CTIF: variants seen among roughly 807,000 people sequenced by gnomAD.
The protein encoded by CTIF is cap binding complex dependent translation initiation factor.
CTIF carries 21 observed loss-of-function variants against 66.0 expected under a neutral mutation model. The ratio of observed to expected loss-of-function variants is 0.32; its 90% CI spans 0.23 to 0.46. The LOEUF (loss-of-function observed/expected upper bound fraction) is 0.46, where lower values mean the gene tolerates loss of function less well. Ranked by LOEUF, CTIF falls within the 20% of genes least tolerant of loss-of-function variation. CTIF has a pLI of 1.00. For synonymous variants in CTIF, 345 were observed against 326.4 expected, an observed-to-expected ratio of 1.06 and a Z score of -0.62; for missense variants, 739 against 812.7, an observed-to-expected ratio of 0.91 and a Z score of 1.10.
intron 1 of CTIF, among the ~76,000 whole-genome samples, chr18:48,575,037 C>T (rs1028505434): frequency 6.6e-6 from 1 of 152,158 alleles, no homozygotes; most frequent in African/African-American, 2.4e-5. Flanking sequence ...AATTTTGCTC[C>T]TTGGAGCTCC....
chr18:48,728,673 A>C (rs1292115716), intron 7 of CTIF, among the ~76,000 whole-genome samples: 3 of 151,580 alleles, frequency 2.0e-5, no homozygotes, highest in Non-Finnish European at 4.4e-5. Context: ...ATTTCCTTGC[A>C]ACGTGGGCCT....
chr18:48,646,754 AAAG>A lies in CTIF; in HGVS notation c.252+10072_252+10074del, dbSNP rs1438286443. Among the ~76,000 whole-genome samples the A allele has an allele frequency of 7.0e-4, 106 of 151,636 alleles. 2 individuals carry two copies. Among genetic ancestry groups the A allele is most frequent in the African/African-American group, 2.5e-3 (103 of 41,118 alleles). ...AGCGAGACCCTGTCTCAAAAAAAAA[AAAG>A]AAAATAAAATAAAAACAAAAAGGAA... On this transcript the variant is annotated intron_variant, in intron 3 of 11. Coordinates refer to ENST00000256413, the MANE Select transcript of CTIF (RefSeq NM_014772.3).
intron 1 of CTIF, among the ~76,000 whole-genome samples, chr18:48,542,649 A>G (rs1331410245): frequency 2.0e-5 from 3 of 152,250 alleles, no homozygotes; most frequent in African/African-American, 7.2e-5. Context: ...AACACAGCCT[A>G]CAGGAGGGAA....
intron 6 of CTIF, among the ~76,000 whole-genome samples, chr18:48,701,768 C>A (rs2092088106): frequency 1.3e-5 from 2 of 152,186 alleles, no homozygotes; most frequent in South Asian, 2.1e-4. Context: ...AAGTAAATGT[C>A]ATTTGTATTT....
intron 2 of CTIF, among the ~76,000 whole-genome samples, chr18:48,626,592 C>G (rs2090603992): frequency 6.7e-6 from 1 of 150,356 alleles, no homozygotes; most frequent in South Asian, 2.1e-4. Flanking sequence ...GTGATCCCCT[C>G]CCATGGCCTC....
intron 10 of CTIF, among the ~76,000 whole-genome samples, chr18:48,851,826 A>ATACT (rs879294713): frequency 2.0e-5 from 3 of 152,240 alleles, no homozygotes; most frequent in Admixed American, 2.0e-4. Context: ...TTCCCACCAG[A>ATACT]TACTTACCTT....
intron 1 of CTIF, among the ~76,000 whole-genome samples, chr18:48,587,632 C>T (rs1419088230): frequency 1.3e-5 from 2 of 152,164 alleles, no homozygotes; most frequent in African/African-American, 2.4e-5. Flanking sequence ...TTTTTGGGGC[C>T]TCACTTTTCT....
At chr18:48,799,894 T>A (rs768148784) in intron 9 of CTIF, among the ~76,000 whole-genome samples, 2 of 152,234 alleles carry the variant, frequency 1.3e-5, no homozygotes, top group Non-Finnish European at 2.9e-5. Context: ...AGGCAATCAC[T>A]GAACGCATAA....
intron 6 of CTIF, among the ~76,000 whole-genome samples, chr18:48,703,741 G>A (rs1397371829): frequency 1.3e-5 from 2 of 152,172 alleles, no homozygotes; most frequent in African/African-American, 4.8e-5. Context: ...TGGGGCAGGG[G>A]CAGCAGCCCG....
intron 6 of CTIF, among the ~76,000 whole-genome samples, chr18:48,675,532 C>T (rs1598848097): frequency 2.0e-5 from 3 of 152,232 alleles, no homozygotes; most frequent in Non-Finnish European, 1.5e-5. Flanking sequence ...TCCTGGTCAG[C>T]GCTGCACATG....
At chr18:48,670,609 A>G in intron 5 of CTIF, 60 bp from the exon 6 acceptor site, 1 of 1,458,052 alleles carries the variant, frequency 6.9e-7, no homozygotes, top group Non-Finnish European at 9.6e-7. Context: ...TGCTGGCCGG[A>G]TGGGACAGGA....
intron 1 of CTIF, among the ~76,000 whole-genome samples, chr18:48,579,377 C>T (rs528470711): frequency 3.7e-4 from 57 of 152,238 alleles, no homozygotes; most frequent in Middle Eastern, 3.4e-3. Context: ...CACTCCTGAC[C>T]TCAAGTGACC....
chr18:48,841,460 G>A (rs1220270944), intron 10 of CTIF, among the ~76,000 whole-genome samples: 2 of 152,232 alleles, frequency 1.3e-5, no homozygotes, highest in Non-Finnish European at 2.9e-5. Context: ...TGGCTGGACT[G>A]TGGTTTAGTC....
intron 3 of CTIF, among the ~76,000 whole-genome samples, chr18:48,651,061 C>T (rs1285505664): frequency 1.3e-5 from 2 of 152,174 alleles, no homozygotes; most frequent in Non-Finnish European, 1.5e-5. Flanking sequence ...TAAAGACCAT[C>T]GAGGCTAGGA....
chr18:48,586,567 G>A (rs138100409), intron 1 of CTIF, among the ~76,000 whole-genome samples: 2,306 of 152,232 alleles, frequency 0.015, 66 homozygotes, highest in African/African-American at 0.053. Flanking sequence ...CACCACGCCC[G>A]GCCTTAAATT....
At chr18:48,829,434 C>T (rs560138726) in intron 10 of CTIF, among the ~76,000 whole-genome samples, 3 of 151,988 alleles carry the variant, frequency 2.0e-5, no homozygotes, top group Non-Finnish European at 4.4e-5. Flanking sequence ...ACTGGGGGTG[C>T]AAAAAATGGC....
At chr18:48,785,210 A>G (rs968732571) in intron 9 of CTIF, among the ~76,000 whole-genome samples, 1 of 152,112 alleles carries the variant, frequency 6.6e-6, no homozygotes, top group Non-Finnish European at 1.5e-5. Flanking sequence ...TTTCATGAAG[A>G]AAAGCTCACA....
Position 48,790,910 on chromosome 18 carries a change from G to A in CTIF, c.1372-26311G>A, listed in dbSNP as rs575443329. On this transcript the variant is annotated intron_variant, in intron 9 of 11. Coordinates refer to ENST00000256413, the MANE Select transcript of CTIF (RefSeq NM_014772.3). The stretch of plus-strand genomic sequence containing the variant: ...CGGATAGCCCTTCTCCTTCTGCTGG[G>A]CCATGGACCCTCCTCTAGCCAGCTT... 3.3e-5 allele frequency among the ~76,000 whole-genome samples: 5 copies of A among 152,276 alleles called. No homozygotes were observed. The East Asian group carries it at 5.8e-4, about 18-fold the overall frequency.
intron 10 of CTIF, among the ~76,000 whole-genome samples, chr18:48,856,309 A>T (rs758719623): frequency 6.6e-6 from 1 of 152,222 alleles, no homozygotes; most frequent in Non-Finnish European, 1.5e-5. Flanking sequence ...ATTGCTAGTG[A>T]GAGTGTAAAA....
Sources: gnomAD v4.1 joint callset for allele counts (sites outside exome capture counted in the v4.1 genomes callset) on GRCh38, gnomAD v4.1.1 for gene constraint, MANE v1.5 for transcripts, NCBI Gene and HGNC (gene_info 2026-07-23, HGNC 2026-07-21) for gene names.